Variants in LMO7 observed in about 807,000 individuals in gnomAD.
LMO7 encodes LIM domain only protein 7.
Under a neutral mutation model 206.5 loss-of-function variants are expected in LMO7, and 120 were observed. The ratio of observed to expected loss-of-function variants is 0.58; its 90% CI spans 0.50 to 0.68. LMO7 has a LOEUF of 0.68. Ranked by LOEUF, LMO7 falls within the 30% of genes least tolerant of loss-of-function variation. LMO7 has a pLI of 0.00. For synonymous variants in LMO7, 706 were observed against 681.5 expected (o/e 1.04, Z -0.56); for missense variants, 1,959 against 1,957.9 (o/e 1.00, Z -0.01).
chr13:75,727,822 GTGTC>G (rs1406501064), intron 3 of LMO7, among the ~76,000 whole-genome samples: 1 of 137,292 alleles, frequency 7.3e-6, no homozygotes, highest in African/African-American at 2.7e-5. Context: ...TCCCCTTCCT[GTGTC>G]CATGTGTTCT....
chr13:75,698,581 A>C (rs2042055942), intron 1 of LMO7, among the ~76,000 whole-genome samples: 1 of 149,194 alleles, frequency 6.7e-6, no homozygotes, highest in South Asian at 2.1e-4. Flanking sequence ...GAGACATTTC[A>C]TCTGGCCAAA....
chr13:75,794,942 A>T (rs1364435934), intron 4 of LMO7, among the ~76,000 whole-genome samples: 1 of 152,146 alleles, frequency 6.6e-6, no homozygotes, highest in African/African-American at 2.4e-5. Flanking sequence ...ATGATGAAAA[A>T]AAAACCCCAT....
chr13:75,650,084 A>G (rs2037409642), intron 1 of LMO7, among the ~76,000 whole-genome samples: 2 of 152,046 alleles, frequency 1.3e-5, no homozygotes, highest in African/African-American at 4.8e-5. Context: ...TGGCCTCCCA[A>G]AGTGCTGGGG....
intron 4 of LMO7, among the ~76,000 whole-genome samples, chr13:75,763,673 C>A (rs758354021): frequency 3.3e-5 from 5 of 152,080 alleles, no homozygotes; most frequent in Non-Finnish European, 5.9e-5. Flanking sequence ...TTGTTGTTGG[C>A]CTTGCTGCAA....
intron 6 of LMO7, among the ~76,000 whole-genome samples, chr13:75,798,739 G>A (rs1217594630): frequency 1.3e-5 from 2 of 152,218 alleles, no homozygotes; most frequent in Non-Finnish European, 2.9e-5. Context: ...ACAATCGTTG[G>A]TGGAAGTTGT....
chr13:75,757,005 G>A (rs777612160), intron 3 of LMO7, among the ~76,000 whole-genome samples: 1 of 152,250 alleles, frequency 6.6e-6, no homozygotes, highest in Admixed American at 6.5e-5. Context: ...ATGTTCTTTT[G>A]TACCTACATG....
intron 1 of LMO7, among the ~76,000 whole-genome samples, chr13:75,650,881 G>GAGTC (rs1446366112): frequency 6.6e-6 from 1 of 152,028 alleles, no homozygotes; most frequent in Admixed American, 6.6e-5. Flanking sequence ...TAGTTTGGAG[G>GAGTC]AGTCAACTTT....
intron 1 of LMO7, among the ~76,000 whole-genome samples, chr13:75,681,196 T>C (rs953777345): frequency 6.6e-6 from 1 of 152,210 alleles, no homozygotes; most frequent in African/African-American, 2.4e-5. Flanking sequence ...CTTACTTTTG[T>C]TGCAATTGCT....
chr13:75,741,940 C>A (rs772663773), intron 3 of LMO7, among the ~76,000 whole-genome samples: 150 of 152,280 alleles, frequency 9.9e-4, no homozygotes, highest in Non-Finnish European at 1.7e-3. Context: ...TCAAACTATT[C>A]CTGTTTGCAG....
In LMO7 at chr13:75,781,487, A is replaced by G. The variant is rs542583844; in HGVS notation, c.318-13914A>G. Among the ~76,000 whole-genome samples, 196 of 151,842 alleles carry G rather than the reference A, an allele frequency of 1.3e-3. 1 individual carries two copies. The highest frequency in any genetic ancestry group is 4.6e-3 in the African/African-American group (189 of 41,416). On this transcript the variant is annotated intron_variant, in intron 4 of 30. Transcript: ENST00000377534. ...ATTTTTTATGGCTGCATAGTATTCC[A>G]TGGTGTATATGTGACACATTTTCTT...
chr13:75,788,274 A>T (rs2052734522), intron 4 of LMO7, among the ~76,000 whole-genome samples: 1 of 152,080 alleles, frequency 6.6e-6, no homozygotes, highest in Non-Finnish European at 1.5e-5. Flanking sequence ...CCTGGCCAAC[A>T]TGGTGAAACC....
At chr13:75,734,780 C>G (rs1383711451) in intron 3 of LMO7, among the ~76,000 whole-genome samples, 1 of 152,174 alleles carries the variant, frequency 6.6e-6, no homozygotes, top group Non-Finnish European at 1.5e-5. Flanking sequence ...CATTAATAGA[C>G]AGCTGACCTA....
chr13:75,853,464 C>A, intron 28 of LMO7, 76 bp downstream of exon 28: 1 of 1,324,206 alleles, frequency 7.6e-7, no homozygotes, highest in Non-Finnish European at 1.0e-6. Flanking sequence ...AAATCCTGTC[C>A]AAGTTTTCCA....
rs557778570 is a variant in LMO7 at position 75,807,594 on chromosome 13, T to C, written c.1311T>C (p.Asn437=). ...SGPRLITRRK[N]LSYAPGYRRD... Reference sequence around the variant, plus strand: ...CAAGGCTCATAACCCGCAGGAAGAATCTCTCTTATGCACCAGGCTATAGAA... The same window carrying C: ...CAAGGCTCATAACCCGCAGGAAGAACCTCTCTTATGCACCAGGCTATAGAA... Residue 437 remains asparagine, a synonymous_variant, in exon 10 of 31, where the codon AAT becomes AAC. Coordinates refer to ENST00000377534, the MANE Select transcript of LMO7 (RefSeq NM_001306080.2). 2 of 1,613,954 alleles carry C rather than the reference T, an allele frequency of 1.2e-6. No individual in the cohort carries two copies. The highest frequency in any genetic ancestry group is 1.7e-6 in the Non-Finnish European group (2 of 1,179,868).
chr13:75,804,153 A>T (rs745560689), intron 7 of LMO7, 136 bp from the exon 8 acceptor site: 5 of 906,650 alleles, frequency 5.5e-6, no homozygotes, highest in Non-Finnish European at 8.3e-6. Flanking sequence ...TTCGTGACAA[A>T]TTTCTAAAAA....
At chr13:75,777,775 A>G (rs2050721020) in intron 4 of LMO7, among the ~76,000 whole-genome samples, 2 of 151,142 alleles carry the variant, frequency 1.3e-5, no homozygotes, top group Non-Finnish European at 2.9e-5. Flanking sequence ...CCTCCCGAGT[A>G]GCTGGGACTA....
At chr13:75,731,059 A>G (rs1301453228) in intron 3 of LMO7, among the ~76,000 whole-genome samples, 1 of 151,736 alleles carries the variant, frequency 6.6e-6, no homozygotes, top group Non-Finnish European at 1.5e-5. Flanking sequence ...CTATGTGGTC[A>G]ATTTTGGAAT....
At chr13:75,750,741 A>G (rs2047209814) in intron 3 of LMO7, among the ~76,000 whole-genome samples, 1 of 152,118 alleles carries the variant, frequency 6.6e-6, no homozygotes, top group Admixed American at 6.5e-5. Context: ...TCTGGGGTGT[A>G]GCTAGAGATT....
chr13:75,766,080 G>T (rs1383412037), intron 4 of LMO7, among the ~76,000 whole-genome samples: 1 of 152,118 alleles, frequency 6.6e-6, no homozygotes, highest in African/African-American at 2.4e-5. Context: ...TGATCAGTTA[G>T]CATTTGTTTT....
Sources: gnomAD v4.1 joint callset for allele counts (sites outside exome capture counted in the v4.1 genomes callset) on GRCh38, gnomAD v4.1.1 for gene constraint, MANE v1.5 for transcripts, NCBI Gene and HGNC (gene_info 2026-07-23, HGNC 2026-07-21) for gene names.